Variants in FAT3 observed in about 807,000 individuals in gnomAD.
FAT3 encodes protocadherin Fat 3.
A neutral mutation model predicts 310.2 loss-of-function variants in FAT3; 95 were observed. That is an observed-to-expected ratio of 0.31 (90% CI 0.26 to 0.36). The LOEUF is 0.36. Ranked by LOEUF, FAT3 falls within the 10% of genes least tolerant of loss-of-function variation. The pLI is 1.00. For missense variants in FAT3, 5,408 were observed against 5,715.6 expected, an observed-to-expected ratio of 0.95 and a Z score of 1.74; for synonymous variants, 2,314 against 2,192.9, an observed-to-expected ratio of 1.06 and a Z score of -1.54.
intron 3 of FAT3, among the ~76,000 whole-genome samples, chr11:92,684,353 G>A (rs1943570080): frequency 2.0e-5 from 3 of 152,118 alleles, no homozygotes; most frequent in African/African-American, 7.2e-5. Context: ...ATCTTGGGAT[G>A]AAAAGTAATG....
chr11:92,836,570 T>A lies in FAT3; in HGVS notation c.10091T>A (p.Ile3364Lys). ...ALVGDSVILL[I>K]AEDVDSQPNG... is the part of the protein sequence containing the mutation. ...TTTTGCTTGTTTTCCATGAAGCTAA[T>A]AGCAGAAGATGTAGACAGCCAGCCC... The change falls in exon 16 of 28, where the codon ATA becomes AAA. Residue 3364 changes from isoleucine (I) to lysine (K), a missense_variant. Physicochemically the swap from Ile to Lys is moderately radical, Grantham distance 102 (BLOSUM62 -3). Coordinates refer to ENST00000525166, the MANE Select transcript of FAT3 (RefSeq NM_001367949.2). 1 of 1,612,840 alleles carries A rather than the reference T, an allele frequency of 6.2e-7. No homozygotes were observed. Among genetic ancestry groups the A allele is most frequent in the South Asian group, 1.1e-5 (1 of 90,680 alleles).
intron 4 of FAT3, among the ~76,000 whole-genome samples, chr11:92,715,980 G>A (rs563046190): frequency 3.3e-5 from 5 of 152,254 alleles, no homozygotes; most frequent in Admixed American, 1.3e-4. Flanking sequence ...GATACTTGAT[G>A]AAATACAGAA....
intron 2 of FAT3, among the ~76,000 whole-genome samples, chr11:92,418,853 G>A (rs1167306461): frequency 6.6e-6 from 1 of 152,186 alleles, no homozygotes; most frequent in African/African-American, 2.4e-5. Context: ...ATAACAAAGA[G>A]AGAGCCCTGT....
At chr11:92,885,743 C>T (rs1949781229) in intron 24 of FAT3, among the ~76,000 whole-genome samples, 1 of 152,172 alleles carries the variant, frequency 6.6e-6, no homozygotes, top group South Asian at 2.1e-4. Context: ...GCACTTCATT[C>T]ACCAGAGTGG....
At chr11:92,439,562 G>A (rs2135066715) in intron 2 of FAT3, among the ~76,000 whole-genome samples, 1 of 152,158 alleles carries the variant, frequency 6.6e-6, no homozygotes, top group East Asian at 1.9e-4. Context: ...GGAGCTCACA[G>A]TTTAGTCCCT....
Position 92,866,722 on chromosome 11 carries a change from C to T in FAT3, c.11659-19C>T, listed in dbSNP as rs2136346683. On this transcript the variant is annotated intron_variant, in intron 21 of 27. Coordinates refer to ENST00000525166, the MANE Select transcript of FAT3 (RefSeq NM_001367949.2). Reference sequence around the variant, plus strand: ...CAGTTGCATGTTGAAAAGTGCTGCACTGTTCCTTCCCCACGCAGATTGTGG... The same window carrying T: ...CAGTTGCATGTTGAAAAGTGCTGCATTGTTCCTTCCCCACGCAGATTGTGG... The T allele has an allele frequency of 6.2e-7, 1 of 1,605,248 alleles. No homozygotes were observed. The highest frequency in any genetic ancestry group is 1.1e-5 in the South Asian group (1 of 89,854).
chr11:92,713,984 A>G (rs1247673684), intron 4 of FAT3, among the ~76,000 whole-genome samples: 2 of 150,718 alleles, frequency 1.3e-5, no homozygotes, highest in Admixed American at 6.6e-5. Context: ...AAATCAAATA[A>G]AAGCATAAAG....
intron 2 of FAT3, among the ~76,000 whole-genome samples, chr11:92,523,705 C>A (rs780042404): frequency 1.3e-5 from 2 of 152,178 alleles, no homozygotes; most frequent in African/African-American, 4.8e-5. Flanking sequence ...ACTACTTTTA[C>A]AGTTTTTATA....
At chr11:92,662,448 G>A (rs928596786) in intron 3 of FAT3, among the ~76,000 whole-genome samples, 9 of 152,164 alleles carry the variant, frequency 5.9e-5, no homozygotes, top group Non-Finnish European at 1.3e-4. Context: ...CAGAGGTTGA[G>A]CCATGTTGTT....
chr11:92,784,787 G>A (rs2136142885), intron 7 of FAT3, among the ~76,000 whole-genome samples: 1 of 152,178 alleles, frequency 6.6e-6, no homozygotes, highest in South Asian at 2.1e-4. Flanking sequence ...TGTAGATTAG[G>A]CGTAAGACAA....
At chr11:92,598,078 G>T in intron 3 of FAT3, among the ~76,000 whole-genome samples, 1 of 151,784 alleles carries the variant, frequency 6.6e-6, no homozygotes, top group East Asian at 1.9e-4. Context: ...GATTTTGTCT[G>T]TACCAGGTGG....
chr11:92,250,556 G>T (rs551495365), intron 1 of FAT3, among the ~76,000 whole-genome samples: 2 of 152,008 alleles, frequency 1.3e-5, no homozygotes, highest in Non-Finnish European at 2.9e-5. Context: ...TTAATTGGGA[G>T]GTATTTGGTT....
intron 1 of FAT3, among the ~76,000 whole-genome samples, chr11:92,291,112 C>CACACACACAT (rs1286856710): frequency 7.9e-5 from 12 of 151,244 alleles, no homozygotes; most frequent in African/African-American, 2.2e-4. Flanking sequence ...CACACACACA[C>CACACACACAT]ACACATGCAC....
chr11:92,364,435 C>A lies in FAT3; in HGVS notation c.3292+9031C>A, dbSNP rs144954966. 2.0e-5 allele frequency among the ~76,000 whole-genome samples: 3 copies of A among 152,286 alleles called. No homozygotes were observed. In the East Asian group the frequency reaches 5.8e-4, roughly 29 times the overall value. Reference sequence around the variant, plus strand: ...TATTGCCCTTCATGACTTCAGATAGCTTGCATCTCATTTCAGTCTTCTAAG... The same window carrying A: ...TATTGCCCTTCATGACTTCAGATAGATTGCATCTCATTTCAGTCTTCTAAG... On this transcript the variant is annotated intron_variant, in intron 2 of 27. Coordinates refer to ENST00000525166, the MANE Select transcript of FAT3 (RefSeq NM_001367949.2).
rs1025183525 is a variant in FAT3, at chr11:92,890,978, A to G, written c.13635A>G (p.Ser4545=). The G allele has an allele frequency of 1.2e-5, 19 of 1,613,822 alleles. No individual in the cohort carries two copies. In the Admixed American group the frequency reaches 1.3e-4, roughly 11 times the overall value. The change falls in exon 28 of 28, where the codon TCA becomes TCG. Residue 4545 remains serine, a synonymous_variant. Transcript: ENST00000525166. ...SLSLHNSRGT[S]SSDVSANCGF... ...CCTTGCACAATTCCAGAGGCACCTC[A>G]TCCTCGGATGTGTCTGCCAACTGCG...
At chr11:92,383,537 G>A (rs374323082) in intron 2 of FAT3, among the ~76,000 whole-genome samples, 100 of 152,340 alleles carry the variant, frequency 6.6e-4, no homozygotes, top group African/African-American at 2.3e-3. Context: ...AGAAGGCCAT[G>A]ACCTAATCCC....
intron 2 of FAT3, among the ~76,000 whole-genome samples, chr11:92,419,901 C>T (rs978966462): frequency 2.0e-4 from 31 of 152,216 alleles, no homozygotes; most frequent in African/African-American, 7.0e-4. Flanking sequence ...GAGAGGATAA[C>T]CTTTTAACCT....
intron 2 of FAT3, among the ~76,000 whole-genome samples, chr11:92,392,789 C>T (rs988078336): frequency 6.6e-6 from 1 of 152,150 alleles, no homozygotes; most frequent in African/African-American, 2.4e-5. Flanking sequence ...GAGAAAGCTC[C>T]CCAGAACCCT....
chr11:92,889,219 A>G lies in FAT3; in HGVS notation c.13082A>G (p.Asn4361Ser). ...ATAGTGACTGTCATTCAGCTTGTCA[A>G]CAATGTAGTTGACACTATAGAGAAT... ...ASIVTVIQLV[N>S]NVVDTIENEV... Residue 4361 changes from asparagine to serine, a missense_variant, in exon 26 of 28, where the codon AAC (asparagine) becomes AGC (serine). Physicochemically the swap from Asn to Ser is conservative, Grantham distance 46. Coordinates refer to ENST00000525166, the MANE Select transcript of FAT3 (RefSeq NM_001367949.2). 2 of 714,682 alleles carry G rather than the reference A, an allele frequency of 2.8e-6. No homozygotes were observed. Among genetic ancestry groups the G allele is most frequent in the Non-Finnish European group, 2.6e-6 (1 of 384,002 alleles). The allele number at this position is 714,682 out of a possible 1,614,324, so 44.3% of individuals were successfully genotyped here. A position where few individuals can be genotyped will look rare whatever the true frequency, so the allele number is the denominator to read the frequency against.
Sources: allele counts gnomAD v4.1 joint callset (sites outside exome capture counted in the v4.1 genomes callset), GRCh38; gene constraint gnomAD v4.1.1; transcripts MANE v1.5; gene names NCBI Gene and HGNC (gene_info 2026-07-23, HGNC 2026-07-21).